Variants in NRCAM observed in about 807,000 individuals in gnomAD.
NRCAM encodes NgCAM-related cell adhesion molecule.
A neutral mutation model predicts 156.5 loss-of-function variants in NRCAM; 83 were observed. The ratio of observed to expected loss-of-function variants is 0.53; its 90% CI spans 0.44 to 0.64. The LOEUF is 0.64. Among genes scored for constraint, NRCAM ranks in the 30% least tolerant of loss-of-function variants. The probability of loss-of-function intolerance (pLI) is 0.00; values close to 1 mark genes in which losing one functional copy is unlikely to be tolerated. For missense variants in NRCAM, 1,417 were observed against 1,597.3 expected (o/e 0.89, Z 1.92); for synonymous variants, 538 against 563.9 (o/e 0.95, Z 0.65).
At position 108,355,435 on chromosome 7, in the gene NRCAM, C is replaced by T. The variant is rs1471813818; in HGVS notation, c.-173-42704G>A. Among the ~76,000 whole-genome samples, 4 of 151,972 alleles carry T rather than the reference C, an allele frequency of 2.6e-5. No homozygotes were observed. In the South Asian group the frequency reaches 8.3e-4, roughly 32 times the overall value. ...GATCACCTGAGTAATATACAAAGTA[C>T]AAGGGGATGAAAGATGCTGTATGAT... On this transcript the variant is annotated intron_variant, in intron 2 of 32. Coordinates refer to ENST00000379028, the MANE Select transcript of NRCAM (RefSeq NM_001037132.4).
chr7:108,398,183 C>A (rs1218347850), intron 2 of NRCAM, among the ~76,000 whole-genome samples: 1 of 152,182 alleles, frequency 6.6e-6, no homozygotes, highest in Non-Finnish European at 1.5e-5. Context: ...CAAAGTCCTT[C>A]CTTTCCCAAG....
chr7:108,193,391 G>C (rs1188826324), intron 17 of NRCAM, among the ~76,000 whole-genome samples: 1 of 152,212 alleles, frequency 6.6e-6, no homozygotes, highest in African/African-American at 2.4e-5. Flanking sequence ...CCTTCTAATA[G>C]AGAGTGAGGC....
At chr7:108,152,909 A>T (rs2042614323) in intron 32 of NRCAM, among the ~76,000 whole-genome samples, 1 of 152,076 alleles carries the variant, frequency 6.6e-6, no homozygotes, top group Admixed American at 6.6e-5. Context: ...AGCCAACAGG[A>T]TTTTCTGATA....
intron 30 of NRCAM, among the ~76,000 whole-genome samples, chr7:108,165,004 G>A (rs2052945298): frequency 6.6e-6 from 1 of 152,146 alleles, no homozygotes; most frequent in Non-Finnish European, 1.5e-5. Flanking sequence ...TTGATTTTGA[G>A]GGTGAATCTA....
At chr7:108,202,501 C>CA (rs1563417668) in intron 13 of NRCAM, among the ~76,000 whole-genome samples, 1 of 152,194 alleles carries the variant, frequency 6.6e-6, no homozygotes, top group African/African-American at 2.4e-5. Flanking sequence ...CAGGTTTTCT[C>CA]AGTTAGTCAA....
At chr7:108,323,785 A>G (rs973023644) in intron 2 of NRCAM, among the ~76,000 whole-genome samples, 9 of 152,120 alleles carry the variant, frequency 5.9e-5, no homozygotes, top group African/African-American at 2.2e-4. Flanking sequence ...GTGAGAAAAT[A>G]GAGTGTGAAG....
rs572708459 is a variant in NRCAM at position 108,313,611 on chromosome 7, T to C, written c.-173-880A>G. On this transcript the variant is annotated intron_variant, in intron 2 of 32. Coordinates refer to ENST00000379028, the MANE Select transcript of NRCAM (RefSeq NM_001037132.4). ...TAATAATCTCAGCTGGTTTTGCTTATGTATGTGTTATAAAATATTCCCTGC... is the reference window on the plus strand; with the variant it reads ...TAATAATCTCAGCTGGTTTTGCTTACGTATGTGTTATAAAATATTCCCTGC... Among the ~76,000 whole-genome samples, 21 of 152,326 alleles carry C rather than the reference T, an allele frequency of 1.4e-4. 1 individual carries two copies. The South Asian group carries it at 3.9e-3, about 29-fold the overall frequency.
chr7:108,223,124 T>A lies in NRCAM; in HGVS notation c.890+601A>T, dbSNP rs113330720. Among the ~76,000 whole-genome samples, 1,102 of 152,272 alleles carry A rather than the reference T, an allele frequency of 7.2e-3. 22 individuals are homozygous for A. Among genetic ancestry groups the A allele is most frequent in the African/African-American group, 0.025 (1,042 of 41,530 alleles). ...TGCATGATGTCTGTTGTTAGGAGAA[T>A]AAGCCAGGACAAGACTGCAAGAGAG... On this transcript the variant is annotated intron_variant, in intron 11 of 32. Coordinates refer to ENST00000379028, the MANE Select transcript of NRCAM (RefSeq NM_001037132.4).
At position 108,181,918 on chromosome 7, in the gene NRCAM, C is replaced by T. The variant is rs2063702340; in HGVS notation, c.2550G>A (p.Gly850=). The T allele has an allele frequency of 6.2e-7, 1 of 1,613,958 alleles. No homozygotes were observed. Among genetic ancestry groups the T allele is most frequent in the East Asian group, 2.2e-5 (1 of 44,874 alleles). The change falls in exon 24 of 33, where the codon GGG becomes GGA. Residue 850 remains glycine (G), a synonymous_variant. Transcript: ENST00000379028. ...SGEDLPMVAP[G]NVRVNVVNST... ...TGTTCACCACATTCACACGCACGTT[C>T]CCAGGAGCCACCATTGGGACTAGGA... is the stretch of plus-strand genomic sequence containing the variant.
chr7:108,170,125 G>T (rs2057528764), intron 28 of NRCAM, among the ~76,000 whole-genome samples: 1 of 151,626 alleles, frequency 6.6e-6, no homozygotes, highest in Non-Finnish European at 1.5e-5. Flanking sequence ...GTCAAGACAT[G>T]AAAACAACCT....
chr7:108,228,308 C>T (rs929409168), intron 8 of NRCAM, among the ~76,000 whole-genome samples: 15 of 148,652 alleles, frequency 1.0e-4, no homozygotes, highest in Admixed American at 3.4e-4. Context: ...GGTGACAGAG[C>T]GAGACTCCAT....
At chr7:108,336,102 C>G (rs2099186716) in intron 2 of NRCAM, among the ~76,000 whole-genome samples, 1 of 152,186 alleles carries the variant, frequency 6.6e-6, no homozygotes, top group African/African-American at 2.4e-5. Flanking sequence ...GACCTTTCTT[C>G]TAATTCAGGA....
rs775849144 is a variant in NRCAM, at chr7:108,184,248, G to T, written c.2297C>A (p.Thr766Lys). The stretch of plus-strand genomic sequence containing the variant: ...GAAGGCATCATAGCTCACCTTCCAC[G>T]TAATCACCAAATTATCAGGCTCTGA... The part of the protein sequence containing the change: ...LGSEPDNLVI[T>K]WKPLNGFESN... Residue 766 changes from threonine to lysine, a missense_variant, in exon 22 of 33, where the codon ACG becomes AAG. Thr to Lys is a moderately conservative substitution (Grantham distance 78). Around this residue, in one of 2 missense-constraint regions of NRCAM, gnomAD observed 1,238 missense variants for 1,336.4 expected, o/e 0.93. Coordinates refer to ENST00000379028, the MANE Select transcript of NRCAM (RefSeq NM_001037132.4). 2.5e-6 allele frequency: 4 copies of T among 1,613,364 alleles called. No individual in the cohort carries two copies. The South Asian group carries it at 4.4e-5, about 18-fold the overall frequency.
chr7:108,384,718 C>G (rs952936952), intron 2 of NRCAM, among the ~76,000 whole-genome samples: 1 of 152,158 alleles, frequency 6.6e-6, no homozygotes, highest in South Asian at 2.1e-4. Flanking sequence ...GGGTAGGACC[C>G]ACAACTTTGC....
chr7:108,270,618 C>T (rs997290678), intron 3 of NRCAM, among the ~76,000 whole-genome samples: 5 of 152,162 alleles, frequency 3.3e-5, no homozygotes, highest in African/African-American at 7.2e-5. Context: ...TCACAAGAAC[C>T]GCAAGGTAGA....
At chr7:108,388,476 T>A (rs1427995392) in intron 2 of NRCAM, among the ~76,000 whole-genome samples, 2 of 152,162 alleles carry the variant, frequency 1.3e-5, no homozygotes, top group Non-Finnish European at 2.9e-5. Flanking sequence ...GTCAGATGGG[T>A]AGATTGCAAA....
At chr7:108,405,304 C>T (rs145804796) in intron 1 of NRCAM, among the ~76,000 whole-genome samples, 220 of 152,320 alleles carry the variant, frequency 1.4e-3, no homozygotes, top group African/African-American at 3.9e-3. Context: ...TGGGCATTCA[C>T]GCCTCAGTGC....
At chr7:108,195,620 G>GA (rs34680676) in intron 15 of NRCAM, 141 bp downstream of exon 15, 261,912 of 539,030 alleles carry the variant, frequency 0.49, 59,263 homozygotes, top group East Asian at 0.74. Flanking sequence ...TGTCTCACAA[G>GA]AAAAAAAAAT....
intron 2 of NRCAM, among the ~76,000 whole-genome samples, chr7:108,323,183 G>A (rs2099023102): frequency 6.6e-6 from 1 of 152,196 alleles, no homozygotes; most frequent in African/African-American, 2.4e-5. Flanking sequence ...CACTGAGCTT[G>A]AAAAATTGCA....
Sources: allele counts gnomAD v4.1 joint callset (sites outside exome capture counted in the v4.1 genomes callset), GRCh38; gene constraint gnomAD v4.1.1; regional missense constraint gnomAD v4.1.1; transcripts MANE v1.5; gene names NCBI Gene and HGNC (gene_info 2026-07-23, HGNC 2026-07-21).